The following ADAMTS17 variants were observed in gnomAD, a reference collection of about 807,000 sequenced individuals.
The protein encoded by ADAMTS17 is ADAM metallopeptidase with thrombospondin type 1 motif 17.
Under a neutral mutation model 141.5 loss-of-function variants are expected in ADAMTS17, and 113 were observed. The ratio of observed to expected loss-of-function variants is 0.80; its 90% confidence interval spans 0.69 to 0.93. ADAMTS17 has a LOEUF of 0.93. Among genes scored for constraint, ADAMTS17 ranks in the 40% least tolerant of loss-of-function variants. The pLI, the probability that ADAMTS17 is intolerant of heterozygous loss-of-function variation, is 0.00. For missense variants in ADAMTS17, 1,659 were observed against 1,517.9 expected, an observed-to-expected ratio of 1.09 and a Z score of -1.54; for synonymous variants, 768 against 630.6, an observed-to-expected ratio of 1.22 and a Z score of -3.27.
chr15:100,285,304 T>G (rs1438691348), intron 3 of ADAMTS17, among the ~76,000 whole-genome samples: 1 of 152,254 alleles, frequency 6.6e-6, no homozygotes, highest in Non-Finnish European at 1.5e-5. Context: ...GTTTGGGGAC[T>G]GCCAAAAATG....
chr15:100,107,365 T>A (rs1274682721), intron 14 of ADAMTS17, among the ~76,000 whole-genome samples: 1 of 152,078 alleles, frequency 6.6e-6, no homozygotes, highest in East Asian at 1.9e-4. Flanking sequence ...CGCATGGTGA[T>A]CCTGACACTG....
At chr15:100,240,518 T>C (rs990513746) in intron 7 of ADAMTS17, among the ~76,000 whole-genome samples, 1 of 152,138 alleles carries the variant, frequency 6.6e-6, no homozygotes, top group Non-Finnish European at 1.5e-5. Flanking sequence ...CCCTCACTCC[T>C]CTACCAGGAA....
At chr15:100,156,249 T>C (rs541283852) in intron 8 of ADAMTS17, among the ~76,000 whole-genome samples, 1 of 152,338 alleles carries the variant, frequency 6.6e-6, no homozygotes, top group East Asian at 1.9e-4. Flanking sequence ...TTTTCCTAGT[T>C]TGCTCATAGA....
At chr15:100,092,971 T>C (rs35915072) in intron 15 of ADAMTS17, among the ~76,000 whole-genome samples, 30,885 of 152,156 alleles carry the variant, frequency 0.2, 3,829 homozygotes, top group East Asian at 0.54. Flanking sequence ...GAAAGCATCA[T>C]ACTCAAATTA....
At position 100,194,918 on chromosome 15, in the gene ADAMTS17, C is replaced by T. The variant is rs147954190; in HGVS notation, c.1181+4400G>A. Among the ~76,000 whole-genome samples the T allele has an allele frequency of 1.2e-3, 177 of 152,314 alleles. 3 individuals carry two copies. The highest frequency in any genetic ancestry group is 3.5e-3 in the African/African-American group (147 of 41,556). On this transcript the variant is annotated intron_variant, in intron 8 of 21. Transcript: ENST00000268070. ...ATGTGCAGGGGCTGCTGCTTTCTAA[C>T]GGCCACCGCAGGATGGAGAAAGGCA... is the stretch of plus-strand genomic sequence containing the variant.
At chr15:100,304,798 T>C (rs1328662693) in intron 3 of ADAMTS17, among the ~76,000 whole-genome samples, 1 of 152,192 alleles carries the variant, frequency 6.6e-6, no homozygotes, top group Non-Finnish European at 1.5e-5. Flanking sequence ...GCGGGCCCAC[T>C]TATACATGGA....
intron 7 of ADAMTS17, among the ~76,000 whole-genome samples, chr15:100,223,790 T>C (rs1249835479): frequency 6.6e-6 from 1 of 151,746 alleles, no homozygotes; most frequent in South Asian, 2.1e-4. Flanking sequence ...GGTGTGTCTG[T>C]GTGGGTGTAT....
intron 18 of ADAMTS17, among the ~76,000 whole-genome samples, chr15:100,038,640 A>C (rs1340235281): frequency 2.0e-5 from 3 of 152,222 alleles, no homozygotes; most frequent in Non-Finnish European, 2.9e-5. Context: ...CTATACAGAA[A>C]TACAATTGAT....
chr15:100,312,807 CTAAGTA>C (rs928306777), intron 3 of ADAMTS17, among the ~76,000 whole-genome samples: 1 of 152,004 alleles, frequency 6.6e-6, no homozygotes, highest in Non-Finnish European at 1.5e-5. Flanking sequence ...TCCCATGAGC[CTAAGTA>C]TAACTTTAAT....
intron 10 of ADAMTS17, among the ~76,000 whole-genome samples, chr15:100,148,679 A>T (rs918900940): frequency 1.3e-5 from 2 of 152,032 alleles, no homozygotes; most frequent in East Asian, 1.9e-4. Context: ...ACTTTCAAAC[A>T]ATTTCATTAT....
At position 100,269,648 on chromosome 15, in the gene ADAMTS17, C is replaced by G. The variant is rs573084088; in HGVS notation, c.790-7213G>C. Among the ~76,000 whole-genome samples, 4 of 152,244 alleles carry G rather than the reference C, an allele frequency of 2.6e-5. No individual in the cohort carries two copies. In the South Asian group the frequency reaches 8.3e-4, roughly 32 times the overall value. On this transcript the variant is annotated intron_variant, in intron 4 of 21. Transcript: ENST00000268070. ...CTGGATTCCCTTCGGGGCTCTGATTCCTGGAGGAGGGACAGTAGACAGTCA... is the reference window on the plus strand; with the variant it reads ...CTGGATTCCCTTCGGGGCTCTGATTGCTGGAGGAGGGACAGTAGACAGTCA...
intron 3 of ADAMTS17, among the ~76,000 whole-genome samples, chr15:100,312,121 C>T (rs1047278878): frequency 2.0e-5 from 3 of 152,170 alleles, no homozygotes; most frequent in Admixed American, 6.5e-5. Context: ...CCAGAACCTA[C>T]GAAAATGTGA....
chr15:99,977,407 T>A, intron 20 of ADAMTS17, among the ~76,000 whole-genome samples: 1 of 72,280 alleles, frequency 1.4e-5, no homozygotes, highest in African/African-American at 7.0e-5. Flanking sequence ...TATAATTTTT[T>A]TTTTTTTTTT....
intron 7 of ADAMTS17, among the ~76,000 whole-genome samples, chr15:100,228,738 G>A (rs1285614516): frequency 6.6e-6 from 1 of 152,218 alleles, no homozygotes; most frequent in African/African-American, 2.4e-5. Context: ...AGTGAGGTCT[G>A]CCACAGCAAT....
intron 13 of ADAMTS17, among the ~76,000 whole-genome samples, chr15:100,110,328 G>A (rs553374390): frequency 2.8e-4 from 42 of 150,022 alleles, no homozygotes; most frequent in African/African-American, 9.1e-4. Flanking sequence ...GCAGTGGCGC[G>A]ATCTCAGCTC....
chr15:100,008,089 G>A (rs1253242757), intron 18 of ADAMTS17, among the ~76,000 whole-genome samples: 2 of 152,134 alleles, frequency 1.3e-5, no homozygotes, highest in Non-Finnish European at 2.9e-5. Context: ...AGGCCTCAGG[G>A]GGAAGCAGGG....
intron 12 of ADAMTS17, among the ~76,000 whole-genome samples, chr15:100,120,128 G>C (rs1048207032): frequency 6.6e-6 from 1 of 152,170 alleles, no homozygotes; most frequent in East Asian, 1.9e-4. Flanking sequence ...GAATGATGTC[G>C]GGAAGAGAGC....
At position 100,030,948 on chromosome 15, in the gene ADAMTS17, A is replaced by T. The variant is rs373904913; in HGVS notation, c.2591+17909T>A. 1.6e-4 allele frequency among the ~76,000 whole-genome samples: 25 copies of T among 152,322 alleles called. No individual in the cohort carries two copies. In the East Asian group the frequency reaches 2.9e-3, roughly 18 times the overall value. ...AATGTTGGGGTCCAACAGCTGGCTG[A>T]TGTTCATCATCGATATAGTTTTGTA... On this transcript the variant is annotated intron_variant, in intron 18 of 21. Transcript: ENST00000268070.
intron 2 of ADAMTS17, among the ~76,000 whole-genome samples, chr15:100,334,575 G>C (rs766106167): frequency 1.8e-4 from 27 of 152,072 alleles, no homozygotes; most frequent in Admixed American, 3.3e-4. Flanking sequence ...CACCTCTTTC[G>C]ATCCTCCCGT....
Sources: gnomAD v4.1 joint callset for allele counts (sites outside exome capture counted in the v4.1 genomes callset) on GRCh38, gnomAD v4.1.1 for gene constraint, MANE v1.5 for transcripts, NCBI Gene and HGNC (gene_info 2026-07-23, HGNC 2026-07-21) for gene names.